ABCC11: variants seen among roughly 807,000 people sequenced by gnomAD.
ABCC11 encodes ATP binding cassette subfamily C member 11.
In ABCC11, 135 loss-of-function variants were observed where a neutral mutation model predicts 149.3. That is an observed-to-expected ratio of 0.90 (90% CI 0.79 to 1.04). ABCC11 has a LOEUF of 1.04. Among genes scored for constraint, ABCC11 ranks in the 50% least tolerant of loss-of-function variants. The pLI, the probability that ABCC11 is intolerant of heterozygous loss-of-function variation, is 0.00. For synonymous variants in ABCC11, 665 were observed against 671.4 expected (o/e 0.99, Z 0.15); for missense variants, 1,680 against 1,722.1 (o/e 0.98, Z 0.43).
At chr16:48,203,365 G>A in intron 13 of ABCC11, 65 bp from the exon 14 acceptor site, 1 of 1,421,314 alleles carries the variant, frequency 7.0e-7, no homozygotes. Flanking sequence ...CCTTCCCAGT[G>A]TCGAGAGGAA....
At chr16:48,211,838 G>A (rs535641987) in intron 10 of ABCC11, among the ~76,000 whole-genome samples, 4 of 152,346 alleles carry the variant, frequency 2.6e-5, no homozygotes, top group East Asian at 3.9e-4. Context: ...AAGCACAAGG[G>A]TTGAACTACA....
At chr16:48,201,794 G>C (rs963734713) in intron 14 of ABCC11, among the ~76,000 whole-genome samples, 1 of 152,166 alleles carries the variant, frequency 6.6e-6, no homozygotes, top group African/African-American at 2.4e-5. Context: ...AGGAGTTGAG[G>C]GTGGAAACCC....
At chr16:48,181,645 C>G (rs1379097704) in intron 23 of ABCC11, among the ~76,000 whole-genome samples, 1 of 150,732 alleles carries the variant, frequency 6.6e-6, no homozygotes, top group Non-Finnish European at 1.5e-5. Flanking sequence ...GAGTCTCGCT[C>G]TGTCACCCAG....
chr16:48,233,025 C>A (rs904348952), intron 1 of ABCC11, among the ~76,000 whole-genome samples: 14 of 152,144 alleles, frequency 9.2e-5, no homozygotes, highest in Admixed American at 4.6e-4. Flanking sequence ...CATGGCGAAA[C>A]CCTGTCTCTA....
intron 1 of ABCC11, among the ~76,000 whole-genome samples, chr16:48,236,292 C>A (rs1970684190): frequency 6.6e-6 from 1 of 152,152 alleles, no homozygotes; most frequent in Admixed American, 6.6e-5. Flanking sequence ...GAATATTCTC[C>A]TCCCACCTCC....
At chr16:48,225,621 G>A (rs1475128766) in intron 4 of ABCC11, among the ~76,000 whole-genome samples, 1 of 152,174 alleles carries the variant, frequency 6.6e-6, no homozygotes, top group Admixed American at 6.5e-5. Context: ...AAAAATGTAA[G>A]AGGTGATGAG....
At chr16:48,168,177 G>A (rs1183843517) in intron 28 of ABCC11, among the ~76,000 whole-genome samples, 1 of 151,080 alleles carries the variant, frequency 6.6e-6, no homozygotes, top group African/African-American at 2.4e-5. Context: ...TTTTTGAAAA[G>A]GGAGTATCAT....
intron 18 of ABCC11, among the ~76,000 whole-genome samples, chr16:48,195,085 C>A (rs1967273123): frequency 6.6e-6 from 1 of 152,190 alleles, no homozygotes; most frequent in Admixed American, 6.5e-5. Context: ...GTCCCGTGCC[C>A]ACAGTCTTTT....
chr16:48,206,428 C>T (rs1567520479), intron 12 of ABCC11, among the ~76,000 whole-genome samples: 2 of 152,172 alleles, frequency 1.3e-5, no homozygotes, highest in Non-Finnish European at 2.9e-5. Context: ...AGTGTTCTTC[C>T]TGTTTTTCTG....
intron 23 of ABCC11, among the ~76,000 whole-genome samples, chr16:48,180,819 G>A (rs1966381397): frequency 6.6e-6 from 1 of 152,226 alleles, no homozygotes; most frequent in African/African-American, 2.4e-5. Flanking sequence ...TGGTGAGAGT[G>A]TGGAAGGTGA....
chr16:48,243,256 C>A (rs1012797167), intron 1 of ABCC11, among the ~76,000 whole-genome samples: 6 of 151,650 alleles, frequency 4.0e-5, no homozygotes, highest in Non-Finnish European at 8.8e-5. Context: ...AAAAAATTAG[C>A]CGGGCGTGGT....
intron 17 of ABCC11, among the ~76,000 whole-genome samples, chr16:48,197,679 G>A (rs1967557539): frequency 6.6e-6 from 1 of 152,144 alleles, no homozygotes; most frequent in South Asian, 2.1e-4. Context: ...GCCTGGTCAA[G>A]TCTTAAATCT....
intron 26 of ABCC11, among the ~76,000 whole-genome samples, chr16:48,171,292 T>C (rs1037072731): frequency 2.0e-5 from 3 of 152,166 alleles, no homozygotes; most frequent in Non-Finnish European, 4.4e-5. Context: ...CCATGGTGCT[T>C]AGCTTGGGGT....
chr16:48,219,675 T>A (rs927097820), intron 6 of ABCC11, among the ~76,000 whole-genome samples: 6 of 152,192 alleles, frequency 3.9e-5, no homozygotes, highest in Non-Finnish European at 7.4e-5. Context: ...GAAAATTTTT[T>A]AATTAATTTA....
At chr16:48,237,814 G>A (rs1272797768) in intron 1 of ABCC11, among the ~76,000 whole-genome samples, 2 of 152,148 alleles carry the variant, frequency 1.3e-5, no homozygotes, top group African/African-American at 2.4e-5. Context: ...TGCAAGTGCT[G>A]CTTTTTCTGC....
chr16:48,173,344 T>C (rs1359295710), intron 26 of ABCC11, among the ~76,000 whole-genome samples: 1 of 152,200 alleles, frequency 6.6e-6, no homozygotes, highest in Admixed American at 6.5e-5. Flanking sequence ...CATTTCTTTG[T>C]GTGTCTTTAA....
rs544953806 is a variant in ABCC11 at position 48,214,105 on chromosome 16, C to T, written c.1249-555G>A. Among the ~76,000 whole-genome samples the T allele has an allele frequency of 4.6e-5, 7 of 152,234 alleles. No individual in the cohort carries two copies. In the South Asian group the frequency reaches 1.5e-3, roughly 32 times the overall value. On this transcript the variant is annotated intron_variant, in intron 9 of 29. Transcript: ENST00000356608. ...CTCCTGGAGGTGCCGAAAGAACCTT[C>T]CAATCCATACCCATCTCTCCTTCTT...
intron 1 of ABCC11, among the ~76,000 whole-genome samples, chr16:48,240,439 C>A (rs967176788): frequency 5.9e-5 from 9 of 152,244 alleles, no homozygotes; most frequent in East Asian, 3.9e-4. Context: ...AACCCAAACA[C>A]TGCATGTTCT....
chr16:48,212,327 C>T (rs1018599311), intron 10 of ABCC11, among the ~76,000 whole-genome samples: 1 of 152,302 alleles, frequency 6.6e-6, no homozygotes, highest in African/African-American at 2.4e-5. Flanking sequence ...CTCCCTAGAA[C>T]AGGCGTGTCC....
Sources: gnomAD v4.1 joint callset for allele counts (sites outside exome capture counted in the v4.1 genomes callset) on GRCh38, gnomAD v4.1.1 for gene constraint, MANE v1.5 for transcripts, NCBI Gene and HGNC (gene_info 2026-07-23, HGNC 2026-07-21) for gene names.